The following EIPR1 variants were observed in gnomAD, a reference collection of about 807,000 sequenced individuals.
EIPR1 encodes EARP and GARP complex-interacting protein 1.
In EIPR1, 25 loss-of-function variants were observed where a neutral mutation model predicts 48.1. The observed-to-expected ratio is 0.52, with a 90% CI of 0.38 to 0.73. EIPR1 has a LOEUF of 0.73. EIPR1 is among the 30% of genes least tolerant of loss of function. EIPR1 has a pLI of 0.00. For synonymous variants in EIPR1, 204 were observed against 201.9 expected (o/e 1.01, Z -0.09); for missense variants, 415 against 506.2 (o/e 0.82, Z 1.73).
chr2:3,192,007 C>T (rs1323053784), intron 8 of EIPR1, among the ~76,000 whole-genome samples: 2 of 152,144 alleles, frequency 1.3e-5, no homozygotes, highest in African/African-American at 2.4e-5. Context: ...GCCAACAACC[C>T]GACCCCAACA....
At chr2:3,367,001 C>T (rs10198475) in intron 1 of EIPR1, among the ~76,000 whole-genome samples, 74,312 of 151,572 alleles carry the variant, frequency 0.49, 19,670 homozygotes, top group Admixed American at 0.6. Flanking sequence ...GCCAAGATTG[C>T]GCCACTGTAC....
In EIPR1 at chr2:3,189,419, G is replaced by A. The variant is rs771526937; in HGVS notation, c.1079C>T (p.Pro360Leu). The A allele has an allele frequency of 3.8e-6, 6 of 1,599,878 alleles. No individual in the cohort carries two copies. The highest frequency in any genetic ancestry group is 1.7e-5 in the Admixed American group (1 of 58,632). ...VYAVDWSSADPWLFASLSYDG... is the reference protein window; with the variant it reads ...VYAVDWSSADLWLFASLSYDG... ...ATAGCTCAGGGAGGCAAACAGCCAC[G>A]GGTCAGCCGAGGACCAGTCCACGGC... is the stretch of plus-strand genomic sequence containing the variant. Residue 360 changes from proline (P) to leucine (L), a missense_variant, in exon 9 of 9, where the codon CCG (proline) becomes CTG (leucine). Transcript: ENST00000382125. The surrounding 1 kb of genome is among the most constrained non-coding windows in gnomAD (Gnocchi z 4.6).
At chr2:3,284,027 G>C (rs186631798) in intron 3 of EIPR1, among the ~76,000 whole-genome samples, 1 of 152,182 alleles carries the variant, frequency 6.6e-6, no homozygotes, top group Non-Finnish European at 1.5e-5. Flanking sequence ...GAGCGGTGCA[G>C]AGGCCCAGGG....
intron 2 of EIPR1, among the ~76,000 whole-genome samples, chr2:3,352,080 G>A (rs1670594591): frequency 7.8e-6 from 1 of 128,086 alleles, no homozygotes; most frequent in Non-Finnish European, 1.7e-5. Flanking sequence ...ACCTGCCCCT[G>A]AGCCACCCAC....
intron 3 of EIPR1, among the ~76,000 whole-genome samples, chr2:3,261,175 C>T (rs752525106): frequency 2.0e-5 from 3 of 152,064 alleles, no homozygotes; most frequent in African/African-American, 4.8e-5. Context: ...ACCAGAGTGC[C>T]GGCCAAGGAA....
intron 4 of EIPR1, among the ~76,000 whole-genome samples, chr2:3,222,455 A>T (rs766971784): frequency 5.3e-5 from 8 of 152,286 alleles, no homozygotes; most frequent in Non-Finnish European, 1.2e-4. Flanking sequence ...TAGATCTATG[A>T]AGAAAAAATA....
chr2:3,242,183 G>A (rs1332244403), intron 4 of EIPR1, among the ~76,000 whole-genome samples: 3 of 151,462 alleles, frequency 2.0e-5, no homozygotes, highest in Non-Finnish European at 4.4e-5. Flanking sequence ...CCACAGGCCC[G>A]GCAGCAGCCA....
At chr2:3,226,957 T>C (rs1416912267) in intron 4 of EIPR1, among the ~76,000 whole-genome samples, 2 of 152,256 alleles carry the variant, frequency 1.3e-5, no homozygotes. Context: ...TCCCCAGCCC[T>C]GTGGAACTGT....
intron 3 of EIPR1, among the ~76,000 whole-genome samples, chr2:3,289,903 T>C (rs918795219): frequency 1.1e-4 from 16 of 152,188 alleles, no homozygotes; most frequent in African/African-American, 3.9e-4. Flanking sequence ...TCACGACCAC[T>C]ACACCCTTTG....
chr2:3,295,767 GCA>G (rs1354757012), intron 3 of EIPR1, among the ~76,000 whole-genome samples: 1 of 50,418 alleles, frequency 2.0e-5, no homozygotes, highest in Admixed American at 2.3e-4. Flanking sequence ...TCCTCTCTCT[GCA>G]CACACACCCT....
intron 2 of EIPR1, among the ~76,000 whole-genome samples, chr2:3,338,455 C>T (rs1304093827): frequency 6.6e-6 from 1 of 152,204 alleles, no homozygotes; most frequent in Non-Finnish European, 1.5e-5. Flanking sequence ...GGCTCTTAGA[C>T]CGAGCCACTG....
intron 3 of EIPR1, 62 bp downstream of exon 3, chr2:3,337,955 C>T: frequency 3.3e-6 from 5 of 1,532,500 alleles, no homozygotes; most frequent in Non-Finnish European, 4.4e-6. Flanking sequence ...ATACAAAACC[C>T]GTCTTAGGAA....
chr2:3,295,534 A>G (rs1255779043), intron 3 of EIPR1, among the ~76,000 whole-genome samples: 5 of 101,140 alleles, frequency 4.9e-5, no homozygotes, highest in African/African-American at 4.0e-5. Flanking sequence ...TCGTCTCTCC[A>G]CACACACCCT....
rs192235187 is a variant in EIPR1, at chr2:3,207,222, C to G, written c.516+6927G>C. On this transcript the variant is annotated intron_variant, in intron 5 of 8. Coordinates refer to ENST00000382125, the MANE Select transcript of EIPR1 (RefSeq NM_003310.5). ...AGAGCTTGCTGTGAGGAACGCTGCT[C>G]TCCTGTAACCTGTAATTCCACTGTT... is the stretch of plus-strand genomic sequence containing the variant. 5.8e-4 allele frequency among the ~76,000 whole-genome samples: 89 copies of G among 152,336 alleles called. 1 individual carries two copies. The highest frequency in any genetic ancestry group is 5.9e-4 in the Non-Finnish European group (40 of 68,038).
chr2:3,196,449 T>G (rs1356276324), intron 6 of EIPR1, among the ~76,000 whole-genome samples: 3 of 152,146 alleles, frequency 2.0e-5, no homozygotes, highest in Non-Finnish European at 2.9e-5. Context: ...TGACAAAATA[T>G]GATTGCCCTA....
chr2:3,242,979 T>C (rs1666684551), intron 4 of EIPR1, among the ~76,000 whole-genome samples: 1 of 152,162 alleles, frequency 6.6e-6, no homozygotes, highest in Admixed American at 6.5e-5. Flanking sequence ...ATGTACAAGT[T>C]CTTTATGTTG....
chr2:3,294,963 C>T (rs1668500336), intron 3 of EIPR1, among the ~76,000 whole-genome samples: 5 of 113,612 alleles, frequency 4.4e-5, no homozygotes, highest in Admixed American at 2.7e-4. Context: ...CACACACACC[C>T]TCCATCCAGC....
chr2:3,261,698 G>C (rs772789820), intron 3 of EIPR1: 4 of 152,244 alleles, frequency 2.6e-5, no homozygotes, highest in Non-Finnish European at 5.9e-5. Context: ...TAAAGTCCTA[G>C]GCAGGGCCTG....
At chr2:3,337,116 A>AAAGGGAAAAGGGAAGGGAACAGGGAAGGG (rs370098415) in intron 3 of EIPR1, among the ~76,000 whole-genome samples, 1 of 144,078 alleles carries the variant, frequency 6.9e-6, no homozygotes, top group Admixed American at 6.9e-5. Context: ...AGAGATGGGA[A>AAAGGGAAAAGGGAAGGGAACAGGGAAGGG]AAGGGAAAAG....
Sources: gnomAD v4.1 joint callset for allele counts (sites outside exome capture counted in the v4.1 genomes callset) on GRCh38, gnomAD v4.1.1 for gene constraint, Gnocchi (gnomAD v3.1) non-coding constraint, MANE v1.5 for transcripts, NCBI Gene and HGNC (gene_info 2026-07-23, HGNC 2026-07-21) for gene names.